TLE2: variants seen among roughly 807,000 people sequenced by gnomAD.
The protein encoded by TLE2 is transducin-like enhancer protein 2.
A neutral mutation model predicts 97.2 loss-of-function variants in TLE2; 74 were observed. The ratio of observed to expected loss-of-function variants is 0.76; its 90% CI spans 0.63 to 0.92. The LOEUF (loss-of-function observed/expected upper bound fraction) is 0.92, where lower values mean the gene tolerates loss of function less well. Among genes scored for constraint, TLE2 ranks in the 40% least tolerant of loss-of-function variants. The pLI, the probability that TLE2 is intolerant of heterozygous loss-of-function variation, is 0.00. For synonymous variants in TLE2, 499 were observed against 432.1 expected, an observed-to-expected ratio of 1.15 and a Z score of -1.92; for missense variants, 1,038 against 1,008.7, an observed-to-expected ratio of 1.03 and a Z score of -0.39.
At chr19:3,001,194 A>G (rs1461681680) in intron 18 of TLE2, among the ~76,000 whole-genome samples, 1 of 150,668 alleles carries the variant, frequency 6.6e-6, no homozygotes, top group Non-Finnish European at 1.5e-5. Flanking sequence ...AATCGCTTGA[A>G]CCCAGGACGC....
At chr19:3,020,148 A>G in intron 5 of TLE2, 1 of 214,446 alleles carries the variant, frequency 4.7e-6, no homozygotes, top group Non-Finnish European at 9.4e-6. Context: ...AGGCAGGAGA[A>G]TCGCTTGAAC....
At chr19:3,013,019 C>T (rs1243800562) in intron 11 of TLE2, among the ~76,000 whole-genome samples, 4 of 152,086 alleles carry the variant, frequency 2.6e-5, no homozygotes, top group Non-Finnish European at 5.9e-5. Flanking sequence ...CAACCTCTGG[C>T]GGTTGCCATG....
At chr19:3,029,449 CG>C, upstream of TLE2, 1 of 962,742 alleles carries the variant, frequency 1.0e-6, no homozygotes, top group Middle Eastern at 5.3e-4. Context: ...AAACTGAGGC[CG>C]GGTGGGGAGG....
Position 3,019,574 on chromosome 19 carries a change from G to A in TLE2, c.370-111C>T. ...GGACCTAAGCACAGCATGTGCCCCT[G>A]GGGTTCCCAGGACCACTGGAGCCAA... On this transcript the variant is annotated intron_variant, in intron 6 of 19. Coordinates refer to ENST00000262953, the MANE Select transcript of TLE2 (RefSeq NM_003260.5). The surrounding 1 kb of genome is among the most constrained non-coding windows in gnomAD (Gnocchi z 5.1). The A allele has an allele frequency of 6.7e-7, 1 of 1,503,228 alleles. No individual in the cohort carries two copies. The highest frequency in any genetic ancestry group is 8.9e-7 in the Non-Finnish European group (1 of 1,121,654). The allele number at this position is 1,503,228 out of a possible 1,614,324, so 93.1% of individuals were successfully genotyped here. A position where few individuals can be genotyped will look rare whatever the true frequency, so the allele number is the denominator to read the frequency against.
Position 2,997,851 on chromosome 19 carries a change from G to A in TLE2, c.2229C>T (p.Tyr743=). The A allele has an allele frequency of 1.2e-6, 2 of 1,604,810 alleles. No homozygotes were observed. The highest frequency in any genetic ancestry group is 1.7e-6 in the Non-Finnish European group (2 of 1,174,996). The part of the protein sequence containing the change: ...DKKATVYEVV[Y] ...GTACAGGAAGGGGGGTCATGTCTCA[G>A]TAGACCACCTCATACACGGTGGCCT... The change falls in exon 20 of 20, where the codon TAC becomes TAT. Residue 743 remains tyrosine, a synonymous_variant. Coordinates refer to ENST00000262953, the MANE Select transcript of TLE2 (RefSeq NM_003260.5).
intron 1 of TLE2, among the ~76,000 whole-genome samples, chr19:3,040,397 G>A (rs1055318992): frequency 2.0e-5 from 3 of 152,100 alleles, no homozygotes; most frequent in African/African-American, 7.2e-5. Flanking sequence ...CTGGAGTGCA[G>A]TGGCTCGATT....
At position 3,025,268 on chromosome 19, in the gene TLE2, G is replaced by A. The variant is rs1408134865; in HGVS notation, c.232-186C>T. 21 of 1,125,318 alleles carry A rather than the reference G, an allele frequency of 1.9e-5. No homozygotes were observed. In the East Asian group the frequency reaches 2.4e-4, roughly 13 times the overall value. The allele number at this position is 1,125,318 out of a possible 1,614,324, so 69.7% of individuals were successfully genotyped here. ...GGGATTCAGAGCCCCACCAGGCTGCGTGCTCAGCTGAGCGAGGCCCAGGGT... is the reference window on the plus strand; with the variant it reads ...GGGATTCAGAGCCCCACCAGGCTGCATGCTCAGCTGAGCGAGGCCCAGGGT... On this transcript the variant is annotated intron_variant, in intron 4 of 19. Coordinates refer to ENST00000262953, the MANE Select transcript of TLE2 (RefSeq NM_003260.5).
chr19:2,997,772 G>A lies in TLE2; in HGVS notation c.*76C>T, dbSNP rs192775478. On this transcript the variant is annotated 3_prime_UTR_variant, in exon 20 of 20. Coordinates refer to ENST00000262953, the MANE Select transcript of TLE2 (RefSeq NM_003260.5). Reference sequence around the variant, plus strand: ...CGGTTCCTAGGCAGGGCTGGGAGGCGGCTGCTAGGATGTCTGTCCTGGCTG... The same window carrying A: ...CGGTTCCTAGGCAGGGCTGGGAGGCAGCTGCTAGGATGTCTGTCCTGGCTG... 61 of 1,082,388 alleles carry A rather than the reference G, an allele frequency of 5.6e-5. No homozygotes were observed. The highest frequency in any genetic ancestry group is 4.5e-4 in the Middle Eastern group (2 of 4,422). The allele number at this position is 1,082,388 out of a possible 1,614,324, so 67.0% of individuals were successfully genotyped here.
chr19:3,014,471 G>T (rs2089659644), intron 10 of TLE2, 99 bp downstream of exon 10: 2 of 1,194,794 alleles, frequency 1.7e-6, no homozygotes, highest in East Asian at 3.1e-5. Context: ...ACAGAGCGGG[G>T]AACCAGGATC....
In TLE2 at chr19:3,042,222, G is replaced by GGGAGGGGAGA. The variant is rs539833045; in HGVS notation, c.63+3494_63+3503dup. Among the ~76,000 whole-genome samples the GGGAGGGGAGA allele has an allele frequency of 8.6e-4, 117 of 136,636 alleles. 1 individual carries two copies. Among genetic ancestry groups the GGGAGGGGAGA allele is most frequent in the African/African-American group, 2.3e-3 (81 of 34,784 alleles). 89.6% of individuals were successfully genotyped at this position (136,636 alleles called of 152,430 possible). ...CAAAGGGGGAGGCGGCAAAGGGGAG[G>GGGAGGGGAGA]GGAGGGGAGAGGAGGGGAGAGGAGG... On this transcript the variant is annotated intron_variant, in intron 1 of 18. Coordinates refer to the TLE2 transcript ENST00000426948.
chr19:3,046,522 G>A (rs531844173), upstream of TLE2, among the ~76,000 whole-genome samples: 1 of 152,180 alleles, frequency 6.6e-6, no homozygotes, highest in South Asian at 2.1e-4. Flanking sequence ...GTGCAGATGG[G>A]GGGAAATGGA....
chr19:3,005,665 C>T, intron 16 of TLE2, 56 bp downstream of exon 16: 2 of 1,606,968 alleles, frequency 1.2e-6, no homozygotes, highest in Non-Finnish European at 1.7e-6. Context: ...CTCCACTCCC[C>T]CTGCACCGAG....
chr19:3,012,902 G>A (rs906629152), intron 11 of TLE2, among the ~76,000 whole-genome samples: 1 of 152,196 alleles, frequency 6.6e-6, no homozygotes, highest in African/African-American at 2.4e-5. Context: ...CGACTGTGGG[G>A]TCAGGGAGGA....
intron 19 of TLE2, among the ~76,000 whole-genome samples, chr19:2,999,331 CTG>C (rs1479555116): frequency 6.6e-6 from 1 of 152,030 alleles, no homozygotes; most frequent in East Asian, 1.9e-4. Context: ...ATTAAAAACA[CTG>C]TACCAACCAG....
At position 2,997,891 on chromosome 19, in the gene TLE2, C is replaced by G. The variant is rs1180315642; in HGVS notation, c.2189G>C (p.Gly730Ala). The change falls in exon 20 of 20, where the codon GGC (glycine) becomes GCC (alanine). Residue 730 changes from glycine (G) to alanine (A), a missense_variant. Coordinates refer to ENST00000262953, the MANE Select transcript of TLE2 (RefSeq NM_003260.5). ...ISRNNKYIVT[G>A]SGDKKATVYE... The stretch of plus-strand genomic sequence containing the variant: ...CACGGTGGCCTTCTTGTCCCCCGAG[C>G]CTGTCACGATGTATTTGTTATTTCT... 1 of 1,612,888 alleles carries G rather than the reference C, an allele frequency of 6.2e-7. No homozygotes were observed. The highest frequency in any genetic ancestry group is 1.1e-5 in the South Asian group (1 of 90,768).
At chr19:3,042,546 C>T (rs2090112829) in intron 1 of TLE2, among the ~76,000 whole-genome samples, 1 of 151,124 alleles carries the variant, frequency 6.6e-6, no homozygotes, top group South Asian at 2.1e-4. Context: ...TTAGGGGACC[C>T]AAGCTGGAGA....
Position 3,015,749 on chromosome 19 carries a change from G to C in TLE2, c.582C>G (p.Pro194=), listed in dbSNP as rs1458574942. 3 of 1,608,600 alleles carry C rather than the reference G, an allele frequency of 1.9e-6. No homozygotes were observed. In the East Asian group the frequency reaches 6.7e-5, roughly 36 times the overall value. The change falls in exon 9 of 20, where the codon CCC becomes CCG. Residue 194 remains proline (P), a synonymous_variant. Transcript: ENST00000262953. ...CCTCCACGAGACTCTCAGGGGGCGA[G>C]GGAGATGCACTCTGCGGAGAGACAA... The part of the protein sequence containing the change: ...VERAPSRSAS[P]SPPESLVEEE...
At chr19:3,028,489 C>G in intron 2 of TLE2, 107 bp from the exon 3 acceptor site, 9 of 1,207,068 alleles carry the variant, frequency 7.5e-6, no homozygotes, top group South Asian at 1.5e-5. Context: ...GACCTCCCCC[C>G]ACCTCCTGTC....
At chr19:3,039,485 C>T (rs1166777652) in intron 1 of TLE2, among the ~76,000 whole-genome samples, 2 of 152,242 alleles carry the variant, frequency 1.3e-5, no homozygotes, top group South Asian at 4.1e-4. Flanking sequence ...GCCTGAACCA[C>T]GGCCAGCCTT....
Sources: gnomAD v4.1 joint callset for allele counts (sites outside exome capture counted in the v4.1 genomes callset) on GRCh38, gnomAD v4.1.1 for gene constraint, Gnocchi (gnomAD v3.1) non-coding constraint, MANE v1.5 for transcripts, NCBI Gene and HGNC (gene_info 2026-07-23, HGNC 2026-07-21) for gene names.